The following FAM161A variants were observed in gnomAD, a reference collection of about 807,000 sequenced individuals.
FAM161A encodes protein FAM161A.
A neutral mutation model predicts 70.9 loss-of-function variants in FAM161A; 57 were observed. The ratio of observed to expected loss-of-function variants is 0.80; its 90% confidence interval spans 0.65 to 1.00. The LOEUF (loss-of-function observed/expected upper bound fraction) is 1.00, where lower values mean the gene tolerates loss of function less well. Among genes scored for constraint, FAM161A ranks in the 50% least tolerant of loss-of-function variants. FAM161A has a pLI of 0.00. For missense variants in FAM161A, 880 were observed against 836.0 expected (o/e 1.05, Z -0.65); for synonymous variants, 299 against 295.7 (o/e 1.01, Z -0.12).
the FAM161A span, among the ~76,000 whole-genome samples, chr2:61,819,558 T>G: frequency 1.3e-5 from 2 of 152,180 alleles, no homozygotes; most frequent in South Asian, 4.1e-4. Context: ...CAAAAAACAA[T>G]TAATTGTACA....
Position 61,840,494 on chromosome 2 carries a change from A to G in FAM161A, c.510T>C (p.Tyr170=). ...EPDLGQSSSL[Y]VSSSEEELPN... ...GTAACTCCTCTTCAGAGGAGGACAC[A>G]TACAAGGAGGAAGACTGGCCTAAAT... Residue 170 remains tyrosine, a synonymous_variant, in exon 3 of 7, where the codon TAT becomes TAC. Transcript: ENST00000404929. 1 of 1,613,976 alleles carries G rather than the reference A, an allele frequency of 6.2e-7. No homozygotes were observed. Among genetic ancestry groups the G allele is most frequent in the Non-Finnish European group, 8.5e-7 (1 of 1,179,846 alleles).
chr2:61,834,415 C>T (rs1171972656), intron 5 of FAM161A, among the ~76,000 whole-genome samples: 1 of 151,238 alleles, frequency 6.6e-6, no homozygotes, highest in Non-Finnish European at 1.5e-5. Context: ...TGCTCATTAC[C>T]TGGGTGATGA....
chr2:61,804,796 A>AAGAAAGAAAG, the FAM161A span, among the ~76,000 whole-genome samples: 4 of 150,482 alleles, frequency 2.7e-5, no homozygotes, highest in Admixed American at 6.6e-5. Context: ...GAAAGAAAGA[A>AAGAAAGAAAG]AGAAAGAAAG....
chr2:61,807,380 G>GT, the FAM161A span, among the ~76,000 whole-genome samples: 3 of 151,744 alleles, frequency 2.0e-5, no homozygotes, highest in Non-Finnish European at 4.4e-5. Flanking sequence ...TATTTATTTA[G>GT]TTTTTTCCAT....
chr2:61,826,621 T>C, intron 6 of FAM161A, 22 bp from the exon 7 acceptor site: 1 of 1,594,008 alleles, frequency 6.3e-7, no homozygotes, highest in Non-Finnish European at 8.6e-7. Flanking sequence ...AATTTATCAA[T>C]CTTTCAAAGG....
chr2:61,804,746 AAAAG>A, the FAM161A span, among the ~76,000 whole-genome samples: 12 of 129,582 alleles, frequency 9.3e-5, no homozygotes, highest in East Asian at 2.2e-4. Flanking sequence ...GAAAGAAAGG[AAAAG>A]AAAGAAAGAA....
chr2:61,839,359 C>T (rs1344707321), intron 3 of FAM161A, 62 bp downstream of exon 3: 2 of 1,474,540 alleles, frequency 1.4e-6, no homozygotes, highest in South Asian at 1.1e-5. Context: ...ATAAACTCCA[C>T]AGAGCTGCAT....
chr2:61,807,158 A>G, the FAM161A span, among the ~76,000 whole-genome samples: 1 of 152,170 alleles, frequency 6.6e-6, no homozygotes, highest in African/African-American at 2.4e-5. Flanking sequence ...AGGGCTTGCT[A>G]ATTGAAGTTG....
rs777678022 is a variant in FAM161A at position 61,840,001 on chromosome 2, G to A, written c.1003C>T (p.Arg335Ter). Reference sequence around the variant, plus strand: ...CTCAGCTGCTTTTCCCGGGCTGCTCGCTTCTGTTCCTCCCTTGCTATAAAT... The same window carrying A: ...CTCAGCTGCTTTTCCCGGGCTGCTCACTTCTGTTCCTCCCTTGCTATAAAT... The part of the protein sequence containing the change: ...FKFIAREEQK[R>*]AAREKQLRDF... The change falls in exon 3 of 7, where the codon CGA becomes TGA. Residue 335 changes from arginine (R) to a stop codon, truncating the protein, a stop_gained. Coordinates refer to ENST00000404929, the MANE Select transcript of FAM161A (RefSeq NM_001201543.2). LOFTEE classifies it high-confidence loss of function. 4.3e-6 allele frequency: 7 copies of A among 1,613,970 alleles called. No homozygotes were observed. In the Admixed American group the frequency reaches 6.7e-5, roughly 15 times the overall value.
chr2:61,838,890 TTA>T (rs1205400702), intron 3 of FAM161A, among the ~76,000 whole-genome samples, 185 bp from the exon 4 acceptor site: 13 of 137,250 alleles, frequency 9.5e-5, no homozygotes, highest in African/African-American at 2.9e-4. Flanking sequence ...ATTTATTTAT[TTA>T]TTTTTTTTGA....
At chr2:61,801,808 G>A in the FAM161A span, among the ~76,000 whole-genome samples, 3 of 152,004 alleles carry the variant, frequency 2.0e-5, no homozygotes, top group Admixed American at 6.6e-5. Context: ...TGATCCGCCT[G>A]CCTCAGCCTC....
downstream of FAM161A, among the ~76,000 whole-genome samples, chr2:61,823,396 G>A (rs1672252639): frequency 8.0e-6 from 1 of 125,102 alleles, no homozygotes; most frequent in Non-Finnish European, 1.8e-5. Flanking sequence ...TTGAGTCAGG[G>A]TCTCACTTTG....
chr2:61,803,477 G>A, the FAM161A span: 22 of 597,108 alleles, frequency 3.7e-5, 1 homozygote, highest in East Asian at 6.5e-4. Context: ...AAGGAGTAAA[G>A]ATATTGCAAG....
In FAM161A at chr2:61,839,451, A is replaced by G; in HGVS notation, c.1553T>C (p.Val518Ala). The G allele has an allele frequency of 1.2e-6, 2 of 1,614,108 alleles. No homozygotes were observed. The highest frequency in any genetic ancestry group is 2.2e-5 in the East Asian group (1 of 44,876). ...GGCTTGTTCTCGTCCTCTGGAAGAT[A>G]CCGTGGGCACGGGAGGGTTGCAGTT... ...PCNCNPPVPT[V>A]SSRGREQAVR... is the part of the protein sequence containing the mutation. Residue 518 changes from valine to alanine, a missense_variant, in exon 3 of 7, where the codon GTA becomes GCA. Transcript: ENST00000404929.
At chr2:61,836,225 T>G (rs758387981) in intron 4 of FAM161A, 116 bp from the exon 5 acceptor site, 4 of 817,744 alleles carry the variant, frequency 4.9e-6, no homozygotes, top group Non-Finnish European at 8.2e-6. Flanking sequence ...AGAAATAACA[T>G]TTAGCTTAGC....
chr2:61,829,172 T>A (rs1672482943), intron 5 of FAM161A, among the ~76,000 whole-genome samples: 1 of 152,222 alleles, frequency 6.6e-6, no homozygotes, highest in African/African-American at 2.4e-5. Context: ...ACAAGGCTAG[T>A]GAGTGGTAGA....
At chr2:61,800,610 T>G in the FAM161A span, among the ~76,000 whole-genome samples, 1 of 152,176 alleles carries the variant, frequency 6.6e-6, no homozygotes, top group Non-Finnish European at 1.5e-5. Flanking sequence ...AGCTGAGAGT[T>G]GGCCAGATCA....
At position 61,851,164 on chromosome 2, in the gene FAM161A, G is replaced by A. The variant is rs559397246; in HGVS notation, c.183+2695C>T. ...GATGGGATTACAGATGTGAGCCACC[G>A]CGCCCGGCCCTGTTCATTTTTAATT... On this transcript the variant is annotated intron_variant, in intron 1 of 6. Transcript: ENST00000404929. Among the ~76,000 whole-genome samples, 140 of 152,032 alleles carry A rather than the reference G, an allele frequency of 9.2e-4. 1 individual carries two copies. Among genetic ancestry groups the A allele is most frequent in the Admixed American group, 2.4e-3 (36 of 15,264 alleles).
At chr2:61,828,264 A>T (rs1672447631) in intron 5 of FAM161A, among the ~76,000 whole-genome samples, 1 of 138,072 alleles carries the variant, frequency 7.2e-6, no homozygotes. Flanking sequence ...ATATACTTTT[A>T]TGACTGTATA....
Sources: allele counts gnomAD v4.1 joint callset (sites outside exome capture counted in the v4.1 genomes callset), GRCh38; gene constraint gnomAD v4.1.1; transcripts MANE v1.5; gene names NCBI Gene and HGNC (gene_info 2026-07-23, HGNC 2026-07-21).